STK11: variants seen among roughly 807,000 people sequenced by gnomAD.
STK11 encodes serine/threonine kinase 11, also known as serine/threonine-protein kinase STK11.
Under a neutral mutation model 47.3 loss-of-function variants are expected in STK11, and 8 were observed. That is an observed-to-expected ratio of 0.17 (90% confidence interval 0.10 to 0.31). STK11 has a LOEUF of 0.31. STK11 is among the 10% of genes least tolerant of loss of function. STK11 has a pLI of 1.00. For missense variants in STK11, 475 were observed against 605.0 expected (o/e 0.79, Z 2.25); for synonymous variants, 330 against 255.8 (o/e 1.29, Z -2.77).
chr19:1,227,082 TCTGCCGGGGTGCCG>T, intron 9 of STK11: 1 of 187,718 alleles, frequency 5.3e-6, no homozygotes, highest in Non-Finnish European at 1.1e-5. Flanking sequence ...CCTCCATGGC[TCTGCCGGGGTGCCG>T]CAGGCTCTGA....
chr19:1,224,253 G>T, intron 8 of STK11: 1 of 985,358 alleles, frequency 1.0e-6, no homozygotes, highest in Non-Finnish European at 1.2e-6. Context: ...CCCCCAGGAG[G>T]GTACAGCGTG....
chr19:1,226,374 C>T (rs1012514576), intron 8 of STK11, 80 bp from the exon 9 acceptor site: 8 of 1,551,694 alleles, frequency 5.2e-6, no homozygotes, highest in African/African-American at 4.1e-5. Flanking sequence ...AGTGCGTCCC[C>T]GTGGTGGGGG....
chr19:1,206,548 C>T lies in STK11; in HGVS notation c.-366C>T. On this transcript the variant is annotated 5_prime_UTR_variant, in exon 1 of 10. Transcript: ENST00000326873. The stretch of plus-strand genomic sequence containing the variant: ...GGGCCTGAGGTCCCCGGAGGATGAC[C>T]TAGCACTGAAAAGCCCCGGCCGGCC... The T allele has an allele frequency of 2.6e-6, 1 of 380,378 alleles. No individual in the cohort carries two copies. Among genetic ancestry groups the T allele is most frequent in the Non-Finnish European group, 4.8e-6 (1 of 208,336 alleles). 23.6% of individuals were successfully genotyped at this position (380,378 alleles called of 1,614,324 possible). A position where few individuals can be genotyped will look rare whatever the true frequency, so the allele number is the denominator to read the frequency against.
chr19:1,214,278 C>T (rs1224304276), intron 1 of STK11, among the ~76,000 whole-genome samples: 1 of 152,208 alleles, frequency 6.6e-6, no homozygotes, highest in East Asian at 1.9e-4. Context: ...GGCTCCACCC[C>T]CACTCCTCCC....
At chr19:1,219,791 T>C (rs1267015060) in intron 3 of STK11, among the ~76,000 whole-genome samples, 2 of 152,318 alleles carry the variant, frequency 1.3e-5, no homozygotes, top group Non-Finnish European at 2.9e-5. Context: ...GTGATCCGCC[T>C]GCCTCAGCCT....
intron 8 of STK11, chr19:1,224,870 C>G (rs1019500405): frequency 1.0e-6 from 1 of 985,514 alleles, no homozygotes; most frequent in Admixed American, 6.1e-5. Context: ...TGCTCAGATG[C>G]TGGGGACAGG....
chr19:1,207,131 G>T lies in STK11; in HGVS notation c.218G>T (p.Cys73Phe). ...GAGGTGCTGGACTCGGAGACGCTGT[G>T]CAGGAGGGCCGTCAAGATCCTCAAG... ...VKEVLDSETL[C>F]RRAVKILKKK... Residue 73 changes from cysteine to phenylalanine, a missense_variant, in exon 1 of 10, where the codon TGC becomes TTC. This residue lies in a region of STK11 where 47 missense variants were observed against 103.7 expected (regional missense o/e 0.45). Transcript: ENST00000326873. 1 of 1,613,704 alleles carries T rather than the reference G, an allele frequency of 6.2e-7. No homozygotes were observed.
rs587782687 is a variant in STK11, at chr19:1,226,621, C to T, written c.1276C>T (p.Arg426Trp). 14 of 1,547,018 alleles carry T rather than the reference C, an allele frequency of 9.0e-6. No homozygotes were observed. The East Asian group carries it at 1.5e-4, about 16-fold the overall frequency. The stretch of plus-strand genomic sequence containing the variant: ...CTGCTCCGCCAGCAGCAAGATCCGC[C>T]GGCTGTCGGCCTGCAAGCAGCAGTG... ...KACSASSKIR[R>W]LSACKQQ is the part of the protein sequence containing the mutation. The change falls in exon 9 of 10, where the codon CGG becomes TGG. Residue 426 changes from arginine to tryptophan, a missense_variant. Around this residue, in one of 5 missense-constraint regions of STK11, gnomAD observed 219 missense variants for 189.2 expected, o/e 1.16. Coordinates refer to ENST00000326873, the MANE Select transcript of STK11 (RefSeq NM_000455.5).
intron 1 of STK11, among the ~76,000 whole-genome samples, chr19:1,218,015 G>A (rs774070467): frequency 6.6e-6 from 1 of 152,160 alleles, no homozygotes; most frequent in Admixed American, 6.5e-5. Context: ...GTGGTGACAC[G>A]TGCCTGTAGT....
In STK11 at chr19:1,220,604, C is replaced by T. The variant is rs569380138; in HGVS notation, c.621C>T (p.Asp207=). The change falls in exon 5 of 10, where the codon GAC becomes GAT. Residue 207 remains aspartate, a synonymous_variant. Transcript: ENST00000326873. ...VAEALHPFAA[D]DTCRTSQGSP... is the part of the protein sequence containing the mutation. ...AGGCACTGCACCCGTTCGCGGCGGACGACACCTGCCGGACCAGCCAGGGCT... is the reference window on the plus strand; with the variant it reads ...AGGCACTGCACCCGTTCGCGGCGGATGACACCTGCCGGACCAGCCAGGGCT... 1.9e-5 allele frequency: 31 copies of T among 1,594,036 alleles called. No homozygotes were observed. Among genetic ancestry groups the T allele is most frequent in the Admixed American group, 1.0e-4 (6 of 57,398 alleles).
At chr19:1,212,820 A>G (rs2080720508) in intron 1 of STK11, among the ~76,000 whole-genome samples, 1 of 151,824 alleles carries the variant, frequency 6.6e-6, no homozygotes, top group African/African-American at 2.4e-5. Flanking sequence ...CTGGGATTAC[A>G]GGCTTGAGTC....
chr19:1,220,816 C>G lies in STK11; in HGVS notation c.734+99C>G, dbSNP rs868275537. 40 of 1,486,888 alleles carry G rather than the reference C, an allele frequency of 2.7e-5. No individual in the cohort carries two copies. The African/African-American group carries it at 4.5e-4, about 17-fold the overall frequency. 92.1% of individuals were successfully genotyped at this position (1,486,888 alleles called of 1,614,324 possible). ...GCCTGTGGGCGCAGGGCGTGGCCAC[C>G]GGCCCAGACCCTCTCTGGCCACAGC... is the stretch of plus-strand genomic sequence containing the variant. On this transcript the variant is annotated intron_variant, in intron 5 of 9. Coordinates refer to ENST00000326873, the MANE Select transcript of STK11 (RefSeq NM_000455.5).
chr19:1,226,332 C>G (rs748260775), intron 8 of STK11, 122 bp from the exon 9 acceptor site: 20 of 1,495,780 alleles, frequency 1.3e-5, no homozygotes, highest in Non-Finnish European at 1.8e-5. Context: ...GGGCCTGACC[C>G]GGGGGCGGGC....
At chr19:1,213,450 C>T (rs911849516) in intron 1 of STK11, among the ~76,000 whole-genome samples, 9 of 152,224 alleles carry the variant, frequency 5.9e-5, no homozygotes, top group Non-Finnish European at 8.8e-5. Flanking sequence ...TCCCCAGTCC[C>T]GGCACCCACG....
chr19:1,226,290 C>T, intron 8 of STK11, 164 bp from the exon 9 acceptor site: 1 of 1,447,736 alleles, frequency 6.9e-7, no homozygotes, highest in Non-Finnish European at 9.1e-7. Context: ...CCCAGAGCTG[C>T]TGGGGGGCAG....
intron 1 of STK11, among the ~76,000 whole-genome samples, chr19:1,215,775 C>T (rs2080740825): frequency 6.6e-6 from 1 of 152,064 alleles, no homozygotes; most frequent in African/African-American, 2.4e-5. Flanking sequence ...CTTGCTCTGT[C>T]ACCCAGGCTG....
chr19:1,226,229 G>A, intron 8 of STK11: 2 of 1,390,450 alleles, frequency 1.4e-6, no homozygotes, highest in Non-Finnish European at 1.9e-6. Context: ...GTGGTGGAGG[G>A]GACACTCCTG....
chr19:1,208,978 C>T (rs958133072), intron 1 of STK11, among the ~76,000 whole-genome samples: 3 of 152,088 alleles, frequency 2.0e-5, no homozygotes, highest in Non-Finnish European at 2.9e-5. Context: ...GGCACAGGCT[C>T]TGAAGTTTGT....
intron 7 of STK11, 130 bp from the exon 8 acceptor site, chr19:1,222,855 C>T (rs139064241): frequency 6.4e-6 from 7 of 1,087,520 alleles, no homozygotes; most frequent in East Asian, 5.2e-5. Flanking sequence ...TGGTCACAGC[C>T]ACCCCTTGCA....
Sources: gnomAD v4.1 joint callset for allele counts (sites outside exome capture counted in the v4.1 genomes callset) on GRCh38, gnomAD v4.1.1 for gene constraint, gnomAD v4.1.1 regional missense constraint, MANE v1.5 for transcripts, NCBI Gene and HGNC (gene_info 2026-07-23, HGNC 2026-07-21) for gene names.